The following ZMAT4 variants were observed in gnomAD, a reference collection of about 807,000 sequenced individuals.
ZMAT4 encodes zinc finger matrin-type protein 4.
ZMAT4 carries 17 observed loss-of-function variants against 28.7 expected under a neutral mutation model. That is an observed-to-expected ratio of 0.59 (90% CI 0.41 to 0.89). The LOEUF (loss-of-function observed/expected upper bound fraction) is 0.89. ZMAT4 is among the 40% of genes least tolerant of loss of function. ZMAT4 has a pLI of 0.00. For synonymous variants in ZMAT4, 117 were observed against 109.2 expected (o/e 1.07, Z -0.44); for missense variants, 240 against 283.8 (o/e 0.85, Z 1.11).
chr8:40,765,598 A>C (rs1813126835), intron 3 of ZMAT4, among the ~76,000 whole-genome samples: 1 of 152,228 alleles, frequency 6.6e-6, no homozygotes, highest in Non-Finnish European at 1.5e-5. Flanking sequence ...TTTGATAAAG[A>C]ATGCAAACAG....
In ZMAT4 at chr8:40,547,760, A is replaced by G. The variant is rs1803249221; in HGVS notation, c.675-15522T>C. On this transcript the variant is annotated intron_variant, in intron 6 of 6. Coordinates refer to ENST00000297737, the MANE Select transcript of ZMAT4 (RefSeq NM_024645.3). Reference sequence around the variant, plus strand: ...TAGGTATTTCTCTTAATCACTTTTAATGTGCCGAAAATACAGCAGAAAATC... The same window carrying G: ...TAGGTATTTCTCTTAATCACTTTTAGTGTGCCGAAAATACAGCAGAAAATC... 2.6e-5 allele frequency among the ~76,000 whole-genome samples: 4 copies of G among 152,194 alleles called. No individual in the cohort carries two copies. In the South Asian group the frequency reaches 8.3e-4, roughly 32 times the overall value.
At chr8:40,638,823 C>A (rs1310589393) in intron 5 of ZMAT4, among the ~76,000 whole-genome samples, 2 of 152,090 alleles carry the variant, frequency 1.3e-5, no homozygotes, top group Admixed American at 1.3e-4. Flanking sequence ...TGTAAATGTA[C>A]AAGGTAATAA....
chr8:40,651,527 C>T (rs1807649821), intron 5 of ZMAT4, among the ~76,000 whole-genome samples: 1 of 149,128 alleles, frequency 6.7e-6, no homozygotes, highest in Admixed American at 6.7e-5. Flanking sequence ...GATTCAATGC[C>T]ATCCCCATCA....
At chr8:40,796,623 C>G (rs1005661685) in intron 2 of ZMAT4, among the ~76,000 whole-genome samples, 3 of 152,190 alleles carry the variant, frequency 2.0e-5, no homozygotes, top group African/African-American at 4.8e-5. Context: ...CTTAAATGCA[C>G]TACTTAGAAT....
chr8:40,567,700 CAAA>C (rs576543188), intron 6 of ZMAT4, among the ~76,000 whole-genome samples: 1 of 105,170 alleles, frequency 9.5e-6, no homozygotes. Context: ...AAGACTGTCT[CAAA>C]AAAAAAAAAA....
At chr8:40,569,585 G>A (rs1804028456) in intron 6 of ZMAT4, among the ~76,000 whole-genome samples, 1 of 152,186 alleles carries the variant, frequency 6.6e-6, no homozygotes, top group Admixed American at 6.5e-5. Flanking sequence ...ACCCATCCCT[G>A]TTTGCCTGAG....
At chr8:40,665,932 T>C (rs1808396301) in intron 5 of ZMAT4, among the ~76,000 whole-genome samples, 1 of 152,196 alleles carries the variant, frequency 6.6e-6, no homozygotes. Flanking sequence ...GAAACATTAT[T>C]AAATTTTTTA....
intron 3 of ZMAT4, among the ~76,000 whole-genome samples, chr8:40,757,169 G>A (rs749181206): frequency 6.5e-4 from 99 of 152,178 alleles, no homozygotes; most frequent in Non-Finnish European, 1.1e-3. Context: ...AAGCAGGAAG[G>A]CAGAGTCTTA....
intron 2 of ZMAT4, among the ~76,000 whole-genome samples, chr8:40,794,140 A>G (rs1322077787): frequency 1.3e-5 from 2 of 152,204 alleles, no homozygotes; most frequent in Non-Finnish European, 2.9e-5. Context: ...TCATTTAATC[A>G]AATGCACTGA....
chr8:40,821,360 C>T (rs1815822436), intron 2 of ZMAT4, among the ~76,000 whole-genome samples: 1 of 152,136 alleles, frequency 6.6e-6, no homozygotes, highest in African/African-American at 2.4e-5. Flanking sequence ...GTTCTGTTGA[C>T]TCAGACTATT....
At chr8:40,586,988 G>A (rs1429317008) in intron 5 of ZMAT4, among the ~76,000 whole-genome samples, 1 of 151,858 alleles carries the variant, frequency 6.6e-6, no homozygotes, top group Non-Finnish European at 1.5e-5. Flanking sequence ...AATGGAACCA[G>A]ACAATGCTGA....
intron 6 of ZMAT4, among the ~76,000 whole-genome samples, chr8:40,579,121 C>G (rs539759212): frequency 1.3e-5 from 2 of 152,216 alleles, no homozygotes; most frequent in South Asian, 4.2e-4. Flanking sequence ...TGTGAAAATA[C>G]CTAGCACAGA....
intron 1 of ZMAT4, among the ~76,000 whole-genome samples, chr8:40,874,447 T>C (rs1817970746): frequency 1.3e-5 from 2 of 152,358 alleles, no homozygotes; most frequent in Non-Finnish European, 2.9e-5. Context: ...GGAGTAAATG[T>C]CAGCATTCAC....
intron 5 of ZMAT4, among the ~76,000 whole-genome samples, chr8:40,619,513 C>T (rs543371679): frequency 7.2e-5 from 11 of 152,142 alleles, no homozygotes; most frequent in African/African-American, 1.7e-4. Context: ...CCGTTGAGTC[C>T]GGATGGGAAA....
chr8:40,817,443 G>C (rs1815588164), intron 2 of ZMAT4, among the ~76,000 whole-genome samples: 1 of 152,094 alleles, frequency 6.6e-6, no homozygotes, highest in South Asian at 2.1e-4. Flanking sequence ...AAATGAAAAA[G>C]AAAAGTCCCT....
chr8:40,759,826 C>A (rs1224091399), intron 3 of ZMAT4, among the ~76,000 whole-genome samples: 3 of 152,154 alleles, frequency 2.0e-5, no homozygotes, highest in African/African-American at 7.2e-5. Context: ...GAGCTTGCTG[C>A]AAAGACCAAC....
intron 3 of ZMAT4, among the ~76,000 whole-genome samples, chr8:40,758,585 C>T (rs1281364550): frequency 6.6e-6 from 1 of 152,112 alleles, no homozygotes; most frequent in Non-Finnish European, 1.5e-5. Flanking sequence ...AAAATTCTGT[C>T]TGTGGTCTTT....
chr8:40,848,152 C>G (rs1816975618), intron 1 of ZMAT4, among the ~76,000 whole-genome samples: 1 of 152,122 alleles, frequency 6.6e-6, no homozygotes, highest in African/African-American at 2.4e-5. Flanking sequence ...AAAACGAAAC[C>G]CAACAGCCTA....
intron 6 of ZMAT4, among the ~76,000 whole-genome samples, chr8:40,580,300 C>A (rs1201741908): frequency 6.6e-6 from 1 of 152,130 alleles, no homozygotes; most frequent in Non-Finnish European, 1.5e-5. Flanking sequence ...GCATGAGCCA[C>A]CGCACCCGGC....
Sources: allele counts gnomAD v4.1 joint callset (sites outside exome capture counted in the v4.1 genomes callset), GRCh38; gene constraint gnomAD v4.1.1; transcripts MANE v1.5; gene names NCBI Gene and HGNC (gene_info 2026-07-23, HGNC 2026-07-21).